Variants in MAP7 observed in about 807,000 individuals in gnomAD.
MAP7 encodes the protein ensconsin.
A neutral mutation model predicts 94.8 loss-of-function variants in MAP7; 52 were observed. That is an observed-to-expected ratio of 0.55 (90% CI 0.44 to 0.69). MAP7 has a LOEUF of 0.69. Ranked by LOEUF, MAP7 falls within the 30% of genes least tolerant of loss-of-function variation. The pLI is 0.00. For missense variants in MAP7, 940 were observed against 964.6 expected (o/e 0.97, Z 0.34); for synonymous variants, 350 against 357.0 (o/e 0.98, Z 0.22).
chr6:136,531,363 G>A (rs1828465995), intron 1 of MAP7, among the ~76,000 whole-genome samples: 1 of 144,646 alleles, frequency 6.9e-6, no homozygotes, highest in Non-Finnish European at 1.5e-5. Context: ...TTAATTTAGT[G>A]TTTAATTTAG....
At chr6:136,507,077 C>A (rs1038274674) in intron 1 of MAP7, among the ~76,000 whole-genome samples, 1 of 152,114 alleles carries the variant, frequency 6.6e-6, no homozygotes, top group Non-Finnish European at 1.5e-5. Context: ...ATTCGTGAAT[C>A]GTTTCTGTTT....
intron 8 of MAP7, among the ~76,000 whole-genome samples, chr6:136,368,370 G>A (rs1794859719): frequency 6.6e-6 from 1 of 152,076 alleles, no homozygotes; most frequent in Non-Finnish European, 1.5e-5. Flanking sequence ...CAATGCTGAG[G>A]GGGAACACAT....
intron 2 of MAP7, among the ~76,000 whole-genome samples, chr6:136,414,909 GGTTTAA>G (rs1205778423): frequency 6.6e-6 from 1 of 151,842 alleles, no homozygotes; most frequent in Non-Finnish European, 1.5e-5. Context: ...CTGCCTCCTG[GGTTTAA>G]GCGATTCTCC....
chr6:136,342,923 T>C lies in MAP7; in HGVS notation c.*1305A>G, dbSNP rs1343645649. On this transcript the variant is annotated 3_prime_UTR_variant, in exon 18 of 18. Coordinates refer to ENST00000354570, the MANE Select transcript of MAP7 (RefSeq NM_003980.6). ...ATTACTAAAGACCATATGCCTGGAT[T>C]AAAAAAAATAGTCCAATAGATGAAG... The C allele has an allele frequency of 6.6e-6, 1 of 151,880 alleles. No homozygotes were observed. The highest frequency in any genetic ancestry group is 1.5e-5 in the Non-Finnish European group (1 of 67,972). 9.4% of individuals were successfully genotyped at this position (151,880 alleles called of 1,614,324 possible). A position where few individuals can be genotyped will look rare whatever the true frequency, so the allele number is the denominator to read the frequency against.
At chr6:136,472,386 C>G (rs1809331158) in intron 1 of MAP7, among the ~76,000 whole-genome samples, 1 of 152,100 alleles carries the variant, frequency 6.6e-6, no homozygotes, top group African/African-American at 2.4e-5. Context: ...TTAAAACAAA[C>G]CAATGTAATC....
chr6:136,483,129 C>CAA lies in MAP7; in HGVS notation c.68-61332_68-61331dup, dbSNP rs57320038. 9.5e-4 allele frequency among the ~76,000 whole-genome samples: 79 copies of CAA among 83,132 alleles called. 1 individual carries two copies. The highest frequency in any genetic ancestry group is 3.2e-3 in the Admixed American group (26 of 8,032). 54.5% of individuals were successfully genotyped at this position (83,132 alleles called of 152,430 possible). ...AGTGAATAAAAAGTGAAGTATCTTT[C>CAA]AAAAAAAAAAAAAAAAAAGAAAAGA... is the stretch of plus-strand genomic sequence containing the variant. On this transcript the variant is annotated intron_variant, in intron 1 of 17. Transcript: ENST00000354570.
chr6:136,475,672 T>C (rs1267199559), intron 1 of MAP7, among the ~76,000 whole-genome samples: 2 of 152,222 alleles, frequency 1.3e-5, no homozygotes, highest in African/African-American at 4.8e-5. Flanking sequence ...TTATCAAAAA[T>C]TATAATTAGT....
intron 5 of MAP7, among the ~76,000 whole-genome samples, chr6:136,388,126 C>T (rs1012584760): frequency 6.6e-6 from 1 of 152,138 alleles, no homozygotes; most frequent in African/African-American, 2.4e-5. Flanking sequence ...AGTGTTGAAG[C>T]TAGCATGTTT....
intron 1 of MAP7, among the ~76,000 whole-genome samples, chr6:136,444,957 T>C (rs1798885044): frequency 6.6e-6 from 1 of 152,198 alleles, no homozygotes; most frequent in African/African-American, 2.4e-5. Context: ...CTCTACTCTG[T>C]AGAGGTGAGA....
At chr6:136,417,704 C>T (rs560199703) in intron 2 of MAP7, among the ~76,000 whole-genome samples, 26 of 152,210 alleles carry the variant, frequency 1.7e-4, no homozygotes, top group Non-Finnish European at 3.7e-4. Flanking sequence ...AGAGTGAGGG[C>T]ATAAAACCCG....
intron 1 of MAP7, among the ~76,000 whole-genome samples, chr6:136,425,433 T>A (rs948192122): frequency 2.0e-5 from 3 of 152,164 alleles, no homozygotes; most frequent in African/African-American, 7.2e-5. Flanking sequence ...TTGAACCACA[T>A]GAAATAGCCT....
intron 9 of MAP7, 121 bp from the exon 10 acceptor site, chr6:136,366,139 G>A: frequency 8.8e-7 from 1 of 1,134,836 alleles, no homozygotes; most frequent in South Asian, 1.6e-5. Context: ...TGTTTTTTAT[G>A]TGGTAGATAC....
At chr6:136,441,721 T>G (rs575320189) in intron 1 of MAP7, among the ~76,000 whole-genome samples, 1 of 152,150 alleles carries the variant, frequency 6.6e-6, no homozygotes, top group East Asian at 1.9e-4. Context: ...GGTTACAAAT[T>G]CCAAACTACA....
intron 1 of MAP7, among the ~76,000 whole-genome samples, chr6:136,443,947 C>T (rs1359341261): frequency 6.6e-6 from 1 of 152,120 alleles, no homozygotes; most frequent in Non-Finnish European, 1.5e-5. Context: ...GTTTCTGTCT[C>T]GTTTGTATTA....
At chr6:136,537,206 G>C (rs1446880164) in intron 1 of MAP7, among the ~76,000 whole-genome samples, 2 of 151,306 alleles carry the variant, frequency 1.3e-5, no homozygotes, top group Non-Finnish European at 2.9e-5. Flanking sequence ...TATTGGACCT[G>C]ATCAGTTTGT....
At chr6:136,367,988 G>T (rs1174860759) in intron 8 of MAP7, among the ~76,000 whole-genome samples, 1 of 152,104 alleles carries the variant, frequency 6.6e-6, no homozygotes, top group Non-Finnish European at 1.5e-5. Flanking sequence ...GTGGCGTGGG[G>T]GTGGTTGGGG....
intron 1 of MAP7, among the ~76,000 whole-genome samples, chr6:136,459,724 G>A (rs1804554937): frequency 6.6e-6 from 1 of 152,108 alleles, no homozygotes; most frequent in Non-Finnish European, 1.5e-5. Context: ...AGAATAAAAT[G>A]GTGGTTGCCA....
chr6:136,512,531 C>T (rs1436555152), intron 1 of MAP7, among the ~76,000 whole-genome samples: 1 of 152,176 alleles, frequency 6.6e-6, no homozygotes, highest in Non-Finnish European at 1.5e-5. Context: ...CAGTTCAGTT[C>T]CAGACCACCC....
At position 136,480,306 on chromosome 6, in the gene MAP7, A is replaced by G. The variant is rs545659929; in HGVS notation, c.68-58507T>C. Among the ~76,000 whole-genome samples, 32 of 152,314 alleles carry G rather than the reference A, an allele frequency of 2.1e-4. No homozygotes were observed. The South Asian group carries it at 6.6e-3, about 32-fold the overall frequency. ...GGATATCCATATGCAGAAGAATGAA[A>G]CTAGATCTCTATCTCTTGCCATATA... On this transcript the variant is annotated intron_variant, in intron 1 of 17. Coordinates refer to ENST00000354570, the MANE Select transcript of MAP7 (RefSeq NM_003980.6).
Sources: allele counts gnomAD v4.1 joint callset (sites outside exome capture counted in the v4.1 genomes callset), GRCh38; gene constraint gnomAD v4.1.1; transcripts MANE v1.5; gene names NCBI Gene and HGNC (gene_info 2026-07-23, HGNC 2026-07-21).